The following NSUN6 variants were observed in gnomAD, a reference collection of about 807,000 sequenced individuals.
NSUN6 encodes NOP2/Sun RNA methyltransferase 6.
A neutral mutation model predicts 58.0 loss-of-function variants in NSUN6; 64 were observed. That is an observed-to-expected ratio of 1.10 (90% CI 0.90 to 1.36). The LOEUF (loss-of-function observed/expected upper bound fraction) is 1.36, where lower values mean the gene tolerates loss of function less well. NSUN6 is among the 40% of genes most tolerant of loss of function. The probability of loss-of-function intolerance (pLI) is 0.00; values close to 1 mark genes in which losing one functional copy is unlikely to be tolerated. For missense variants in NSUN6, 701 were observed against 550.1 expected (o/e 1.27, Z -2.74); for synonymous variants, 231 against 193.9 (o/e 1.19, Z -1.59).
At chr10:18,587,765 C>G (rs1265029827) in intron 7 of NSUN6, among the ~76,000 whole-genome samples, 1 of 152,106 alleles carries the variant, frequency 6.6e-6, no homozygotes, top group East Asian at 1.9e-4. Context: ...TACGCTTTTC[C>G]CATGGTTTTT....
rs779555458 is a variant in NSUN6, at chr10:18,545,971, A to G, written c.1372T>C (p.Phe458Leu). The stretch of plus-strand genomic sequence containing the variant: ...CATTTTACAAATTTTGCAATAAAAA[A>G]ACCTATAGAGTCCTTATTAGCCAGA... Reference protein sequence around the residue: ...LRLANKDSIGFFIAKFVKCKS... With the variant: ...LRLANKDSIGLFIAKFVKCKS... Residue 458 changes from phenylalanine to leucine, a missense_variant, in exon 11 of 11, where the codon TTT becomes CTT. Physicochemically the swap from Phe to Leu is conservative, Grantham distance 22 (BLOSUM62 0). Transcript: ENST00000377304. The G allele has an allele frequency of 1.3e-5, 21 of 1,584,468 alleles. No individual in the cohort carries two copies. The highest frequency in any genetic ancestry group is 2.0e-5 in the Admixed American group (1 of 50,426).
rs1236069961 is a variant in NSUN6 at position 18,651,092 on chromosome 10, T to C, written c.75+37A>G. ...TCTCGAGTGTGCGAATATTTGAGTT[T>C]TTGCAAAATATCAACTAACATCTTT... On this transcript the variant is annotated intron_variant, in intron 1 of 10. Coordinates refer to ENST00000377304, the MANE Select transcript of NSUN6 (RefSeq NM_182543.5). The C allele has an allele frequency of 4.5e-6, 7 of 1,570,998 alleles. No individual in the cohort carries two copies. In the African/African-American group the frequency reaches 5.6e-5, roughly 13 times the overall value.
chr10:18,606,930 T>C (rs1393501104), intron 6 of NSUN6, among the ~76,000 whole-genome samples: 1 of 152,172 alleles, frequency 6.6e-6, no homozygotes. Flanking sequence ...ATGAAAGGCT[T>C]GGGCATCTTC....
chr10:18,596,280 T>C lies in NSUN6; in HGVS notation c.705A>G (p.Gly235=). Residue 235 remains glycine, a synonymous_variant, in exon 7 of 11, where the codon GGA becomes GGG. Coordinates refer to ENST00000377304, the MANE Select transcript of NSUN6 (RefSeq NM_182543.5). ...LVSHVLNPQP[G]EKILDLCAAP... ...CTGCACACAAGTCTAGAATCTTCTC[T>C]CCAGGTTGAGGATTTAGTACATGAC... is the stretch of plus-strand genomic sequence containing the variant. 3 of 1,601,728 alleles carry C rather than the reference T, an allele frequency of 1.9e-6. No homozygotes were observed. Among genetic ancestry groups the C allele is most frequent in the Non-Finnish European group, 2.6e-6 (3 of 1,168,708 alleles).
intron 8 of NSUN6, among the ~76,000 whole-genome samples, chr10:18,562,804 T>TGGAGTGGAGAAG (rs2055631606): frequency 4.3e-5 from 1 of 23,214 alleles, no homozygotes; most frequent in Non-Finnish European, 7.7e-5. Context: ...GAGTGGAGAA[T>TGGAGTGGAGAAG]GGAATGAAAG....
intron 5 of NSUN6, among the ~76,000 whole-genome samples, chr10:18,612,869 C>T (rs1489586002): frequency 1.3e-5 from 2 of 152,122 alleles, no homozygotes; most frequent in Non-Finnish European, 2.9e-5. Flanking sequence ...TAATCTGCCT[C>T]CGTGAATCTA....
chr10:18,568,945 A>G (rs1449212916), intron 8 of NSUN6, among the ~76,000 whole-genome samples: 2 of 150,000 alleles, frequency 1.3e-5, no homozygotes, highest in African/African-American at 2.5e-5. Flanking sequence ...TCTCCATTCC[A>G]TTCCAATCCA....
In NSUN6 at chr10:18,548,238, C is replaced by G; in HGVS notation, c.1072-1G>C. 6.2e-7 allele frequency: 1 copy of G among 1,611,428 alleles called. No homozygotes were observed. The highest frequency in any genetic ancestry group is 8.5e-7 in the Non-Finnish European group (1 of 1,178,438). Reference sequence around the variant, plus strand: ...CCTCTGGCTTCAGCAGCTGAACCGCCTAAAGAAAACTGTGATCAGACCACA... The same window carrying G: ...CCTCTGGCTTCAGCAGCTGAACCGCGTAAAGAAAACTGTGATCAGACCACA... On this transcript the variant is annotated splice_acceptor_variant, in intron 9 of 10. Coordinates refer to ENST00000377304, the MANE Select transcript of NSUN6 (RefSeq NM_182543.5). LOFTEE classifies it high-confidence loss of function.
chr10:18,574,041 T>A (rs4748489), intron 8 of NSUN6, among the ~76,000 whole-genome samples: 1 of 151,718 alleles, frequency 6.6e-6, no homozygotes, highest in African/African-American at 2.4e-5. Flanking sequence ...TTAGCCTTAC[T>A]CTCCCCAGAA....
At chr10:18,595,982 C>T (rs1196602940) in intron 7 of NSUN6, among the ~76,000 whole-genome samples, 1 of 152,072 alleles carries the variant, frequency 6.6e-6, no homozygotes, top group African/African-American at 2.4e-5. Flanking sequence ...CAGATTAAGT[C>T]TATAATCATA....
intron 5 of NSUN6, among the ~76,000 whole-genome samples, chr10:18,613,850 T>C (rs1349455136): frequency 6.6e-6 from 1 of 152,168 alleles, no homozygotes; most frequent in African/African-American, 2.4e-5. Flanking sequence ...GCCATGAACT[T>C]TGGAGTAATG....
upstream of NSUN6, among the ~76,000 whole-genome samples, chr10:18,653,744 A>G (rs1185184464): frequency 6.6e-6 from 1 of 152,202 alleles, no homozygotes; most frequent in African/African-American, 2.4e-5. Flanking sequence ...TTGGGATTCT[A>G]AGGCTGGATC....
At chr10:18,624,024 C>A (rs886944770) in intron 3 of NSUN6, among the ~76,000 whole-genome samples, 1 of 152,018 alleles carries the variant, frequency 6.6e-6, no homozygotes, top group African/African-American at 2.4e-5. Flanking sequence ...ATTCTGCATT[C>A]ATTGGTGGCA....
chr10:18,638,801 G>A lies in NSUN6; in HGVS notation c.311+3675C>T, dbSNP rs1398057364. On this transcript the variant is annotated intron_variant, in intron 3 of 10. Transcript: ENST00000377304. ...CACTTAGGGAAAGGGCAGGGGGTGC[G>A]GGAAATCTGCTAAGTGACTGTACTC... 6.6e-5 allele frequency among the ~76,000 whole-genome samples: 10 copies of A among 151,894 alleles called. No individual in the cohort carries two copies. In the East Asian group the frequency reaches 7.7e-4, roughly 12 times the overall value.
intron 8 of NSUN6, among the ~76,000 whole-genome samples, chr10:18,569,229 C>A (rs1413320463): frequency 6.6e-6 from 1 of 150,800 alleles, no homozygotes; most frequent in East Asian, 1.9e-4. Flanking sequence ...CCATTTCATT[C>A]CACTCTCCGT....
intron 5 of NSUN6, among the ~76,000 whole-genome samples, chr10:18,613,681 T>C (rs911339190): frequency 6.6e-6 from 1 of 152,214 alleles, no homozygotes; most frequent in Non-Finnish European, 1.5e-5. Flanking sequence ...AAAGTGCTGC[T>C]ACCTAGATCT....
intron 8 of NSUN6, among the ~76,000 whole-genome samples, chr10:18,574,239 T>G (rs894814559): frequency 6.6e-6 from 1 of 152,050 alleles, no homozygotes; most frequent in African/African-American, 2.4e-5. Context: ...AAGCAGAAAG[T>G]TAACCTTTGG....
intron 7 of NSUN6, among the ~76,000 whole-genome samples, chr10:18,593,792 T>C (rs556344818): frequency 6.6e-6 from 1 of 151,162 alleles, no homozygotes; most frequent in East Asian, 2.0e-4. Context: ...GGTTGATAGG[T>C]ACAGCTAACC....
chr10:18,564,363 C>T (rs1295460595), intron 8 of NSUN6, among the ~76,000 whole-genome samples: 1 of 150,426 alleles, frequency 6.6e-6, no homozygotes, highest in Non-Finnish European at 1.5e-5. Context: ...CCATCTGTTA[C>T]ATTCTCCATT....
Sources: allele counts gnomAD v4.1 joint callset (sites outside exome capture counted in the v4.1 genomes callset), GRCh38; gene constraint gnomAD v4.1.1; transcripts MANE v1.5; gene names NCBI Gene and HGNC (gene_info 2026-07-23, HGNC 2026-07-21).